The following RYR3 variants were observed in gnomAD, a reference collection of about 807,000 sequenced individuals.
RYR3 encodes the protein ryanodine receptor 3.
Under a neutral mutation model 584.3 loss-of-function variants are expected in RYR3, and 207 were observed. The ratio of observed to expected loss-of-function variants is 0.35; its 90% confidence interval spans 0.32 to 0.40. RYR3 has a LOEUF of 0.40. Ranked by LOEUF, RYR3 falls within the 10% of genes least tolerant of loss-of-function variation. RYR3 has a pLI of 1.00. For synonymous variants in RYR3, 2,416 were observed against 2,248.5 expected (o/e 1.07, Z -2.11); for missense variants, 5,616 against 6,089.2 (o/e 0.92, Z 2.59).
rs1303985665 is a variant in RYR3, at chr15:33,646,527, G to T, written c.3941+1G>T. The T allele has an allele frequency of 6.2e-7, 1 of 1,606,860 alleles. No individual in the cohort carries two copies. The highest frequency in any genetic ancestry group is 2.2e-5 in the East Asian group (1 of 44,746). On this transcript the variant is annotated splice_donor_variant, in intron 29 of 103. Coordinates refer to ENST00000634891, the MANE Select transcript of RYR3 (RefSeq NM_001036.6). LOFTEE classifies it high-confidence loss of function. ...TGGACAGTGAAGCTTTCCAGAAAAG[G>T]TGAGGGTGAGGCCTCCAGTTCTCAG...
chr15:33,702,037 C>A (rs1334904964), intron 42 of RYR3, among the ~76,000 whole-genome samples: 1 of 152,270 alleles, frequency 6.6e-6, no homozygotes, highest in South Asian at 2.1e-4. Flanking sequence ...ATGCTTCCCA[C>A]AAATGAACTC....
chr15:33,567,321 C>T (rs529228904), intron 12 of RYR3, among the ~76,000 whole-genome samples: 17 of 152,164 alleles, frequency 1.1e-4, no homozygotes, highest in Non-Finnish European at 1.9e-4. Flanking sequence ...AATAATGCTT[C>T]CAAAACAGAA....
chr15:33,623,782 T>G (rs554838625), intron 19 of RYR3, 25 bp from the exon 20 acceptor site: 1 of 1,511,648 alleles, frequency 6.6e-7, no homozygotes, highest in Admixed American at 1.7e-5. Context: ...TTAACCTCTG[T>G]ATTTCTGCTA....
chr15:33,646,120 C>T (rs893125973), intron 28 of RYR3, among the ~76,000 whole-genome samples: 1 of 152,174 alleles, frequency 6.6e-6, no homozygotes, highest in South Asian at 2.1e-4. Flanking sequence ...TACAGAGAAC[C>T]CAGTGAGCAT....
intron 1 of RYR3, among the ~76,000 whole-genome samples, chr15:33,359,680 G>A (rs935387255): frequency 1.6e-4 from 25 of 151,620 alleles, no homozygotes; most frequent in South Asian, 4.2e-4. Flanking sequence ...GTGCAGTGGC[G>A]CGATCTCGGC....
At chr15:33,747,422 T>C (rs1387180121) in intron 53 of RYR3, among the ~76,000 whole-genome samples, 1 of 86,454 alleles carries the variant, frequency 1.2e-5, no homozygotes, top group Non-Finnish European at 2.6e-5. Context: ...TGTCACCCTT[T>C]TTTTTTTTTT....
chr15:33,669,601 C>A, intron 37 of RYR3, 145 bp downstream of exon 37: 1 of 684,656 alleles, frequency 1.5e-6, no homozygotes, highest in Non-Finnish European at 2.5e-6. Context: ...ACTATCCTAG[C>A]TACTTGTGTC....
chr15:33,530,758 G>A, intron 4 of RYR3, 92 bp downstream of exon 4: 2 of 916,872 alleles, frequency 2.2e-6, no homozygotes, highest in Non-Finnish European at 3.5e-6. Flanking sequence ...CAACGTAACA[G>A]CAGGAACAAT....
chr15:33,855,220 C>T (rs920042324), intron 98 of RYR3, among the ~76,000 whole-genome samples: 4 of 149,866 alleles, frequency 2.7e-5, no homozygotes, highest in African/African-American at 7.3e-5. Flanking sequence ...TTTTTTGTGA[C>T]GGTGTCTCGC....
chr15:33,752,979 G>A (rs1308651785), intron 57 of RYR3, among the ~76,000 whole-genome samples: 2 of 152,240 alleles, frequency 1.3e-5, no homozygotes, highest in East Asian at 3.9e-4. Flanking sequence ...TTAGCATGAA[G>A]GATGTTAAAT....
At chr15:33,419,349 C>A (rs550630767) in intron 1 of RYR3, among the ~76,000 whole-genome samples, 2 of 152,210 alleles carry the variant, frequency 1.3e-5, no homozygotes, top group East Asian at 3.9e-4. Context: ...TTCCTACTTG[C>A]AGTTGACTTT....
At chr15:33,748,381 A>C in intron 54 of RYR3, 87 bp from the exon 55 acceptor site, 1 of 1,538,350 alleles carries the variant, frequency 6.5e-7, no homozygotes, top group Non-Finnish European at 8.9e-7. Flanking sequence ...AGTTTTCAGG[A>C]CACATTTTTG....
chr15:33,801,006 G>T, intron 68 of RYR3, 149 bp downstream of exon 68: 1 of 641,682 alleles, frequency 1.6e-6, no homozygotes, highest in Non-Finnish European at 2.8e-6. Context: ...CACTGCCTCA[G>T]GAGGTCCTGA....
chr15:33,442,341 G>A (rs2046296723), intron 1 of RYR3, among the ~76,000 whole-genome samples: 1 of 152,092 alleles, frequency 6.6e-6, no homozygotes, highest in Non-Finnish European at 1.5e-5. Flanking sequence ...TCACTTTGAT[G>A]TTCTCTGGGA....
chr15:33,646,599 C>G, intron 29 of RYR3, 73 bp downstream of exon 29: 1 of 1,377,216 alleles, frequency 7.3e-7, no homozygotes. Flanking sequence ...GCTTTTTACC[C>G]TAACTCAGCA....
chr15:33,496,529 A>G (rs1236569791), intron 2 of RYR3, among the ~76,000 whole-genome samples: 1 of 152,038 alleles, frequency 6.6e-6, no homozygotes, highest in Non-Finnish European at 1.5e-5. Context: ...CTTTGAGGAG[A>G]TGAGAGAAAA....
intron 10 of RYR3, among the ~76,000 whole-genome samples, chr15:33,553,684 G>T (rs1453729125): frequency 1.3e-5 from 2 of 152,186 alleles, no homozygotes; most frequent in African/African-American, 2.4e-5. Context: ...GAGCTAGGAT[G>T]TAGTATTACT....
At chr15:33,823,620 G>A (rs766732856) in intron 81 of RYR3, among the ~76,000 whole-genome samples, 1 of 152,108 alleles carries the variant, frequency 6.6e-6, no homozygotes, top group Non-Finnish European at 1.5e-5. Flanking sequence ...AAAAAACAAG[G>A]CTTTGAACTT....
At chr15:33,754,305 C>G (rs2071601743) in intron 57 of RYR3, among the ~76,000 whole-genome samples, 1 of 152,226 alleles carries the variant, frequency 6.6e-6, no homozygotes, top group African/African-American at 2.4e-5. Context: ...CATGTCACTT[C>G]TCTATTGAAA....
Sources: gnomAD v4.1 joint callset for allele counts (sites outside exome capture counted in the v4.1 genomes callset) on GRCh38, gnomAD v4.1.1 for gene constraint, MANE v1.5 for transcripts, NCBI Gene and HGNC (gene_info 2026-07-23, HGNC 2026-07-21) for gene names.